Variants in KCTD10 observed in about 807,000 individuals in gnomAD.
KCTD10 encodes the protein potassium channel tetramerization domain containing 10, also known as BTB/POZ domain-containing adapter for CUL3-mediated RhoA degradation protein 3.
Under a neutral mutation model 34.6 loss-of-function variants are expected in KCTD10, and 13 were observed. The observed-to-expected ratio is 0.38, with a 90% CI of 0.24 to 0.60. The LOEUF (loss-of-function observed/expected upper bound fraction) is 0.60. Among genes scored for constraint, KCTD10 ranks in the 20% least tolerant of loss-of-function variants. KCTD10 has a pLI of 0.66. For missense variants in KCTD10, 256 were observed against 420.3 expected, an observed-to-expected ratio of 0.61 and a Z score of 3.42; for synonymous variants, 156 against 168.8, an observed-to-expected ratio of 0.92 and a Z score of 0.59.
At chr12:109,462,814 A>G (rs1320673275) in intron 2 of KCTD10, among the ~76,000 whole-genome samples, 1 of 152,184 alleles carries the variant, frequency 6.6e-6, no homozygotes, top group Non-Finnish European at 1.5e-5. Flanking sequence ...AAAACAAAAC[A>G]AAACTGTCAT....
intron 1 of KCTD10, among the ~76,000 whole-genome samples, chr12:109,473,108 C>G (rs183897431): frequency 7.9e-4 from 120 of 152,302 alleles, no homozygotes; most frequent in Non-Finnish European, 1.3e-3. Flanking sequence ...ACAGCCCCAT[C>G]AGGGTCAGTC....
At position 109,467,059 on chromosome 12, in the gene KCTD10, C is replaced by T. The variant is rs570930285; in HGVS notation, c.217+2456G>A. Among the ~76,000 whole-genome samples the T allele has an allele frequency of 2.4e-4, 37 of 152,352 alleles. 1 individual carries two copies. In the South Asian group the frequency reaches 6.4e-3, roughly 26 times the overall value. ...CCCAGCCTACCAGCCCAGGCCTTCA[C>T]GAGGGCCCCCACCAGAGGGCTTTAG... On this transcript the variant is annotated intron_variant, in intron 2 of 6. Transcript: ENST00000228495.
chr12:109,453,235 G>A (rs1388711373), intron 6 of KCTD10, among the ~76,000 whole-genome samples: 1 of 152,108 alleles, frequency 6.6e-6, no homozygotes, highest in Non-Finnish European at 1.5e-5. Context: ...CTAACTTTTT[G>A]TAGAGATGAG....
chr12:109,467,658 C>G (rs147483508), intron 2 of KCTD10, among the ~76,000 whole-genome samples: 44 of 152,102 alleles, frequency 2.9e-4, no homozygotes, highest in African/African-American at 1.1e-3. Flanking sequence ...AAATGCCATA[C>G]CATTAGCTTT....
chr12:109,465,939 T>C (rs1873563757), intron 2 of KCTD10, among the ~76,000 whole-genome samples: 1 of 152,190 alleles, frequency 6.6e-6, no homozygotes, highest in African/African-American at 2.4e-5. Context: ...GGGGGAAGTA[T>C]TGTACGAAGC....
chr12:109,465,115 G>A lies in KCTD10; in HGVS notation c.218-4310C>T, dbSNP rs531748920. The stretch of plus-strand genomic sequence containing the variant: ...ATCGCACAGAGAAACTCCCACGCAC[G>A]GGGAAAGCGTTCAAGGATGTTCACA... On this transcript the variant is annotated intron_variant, in intron 2 of 6. Transcript: ENST00000228495. Among the ~76,000 whole-genome samples the A allele has an allele frequency of 1.6e-4, 24 of 152,272 alleles. No homozygotes were observed. In the South Asian group the frequency reaches 2.3e-3, roughly 14 times the overall value.
chr12:109,460,367 T>G lies in KCTD10; in HGVS notation c.387+269A>C. On this transcript the variant is annotated intron_variant, in intron 3 of 6. Coordinates refer to ENST00000228495, the MANE Select transcript of KCTD10 (RefSeq NM_031954.5). The surrounding 1 kb of genome is among the most constrained non-coding windows in gnomAD (Gnocchi z 4.5). ...ACCGACCAAGTTTCACACCGCGGGG[T>G]TCTCTGCTGAAGGGTTGAGATGTAC... 4.8e-6 allele frequency: 2 copies of G among 412,836 alleles called. No homozygotes were observed. The highest frequency in any genetic ancestry group is 8.8e-6 in the Non-Finnish European group (2 of 226,480). The allele number at this position is 412,836 out of a possible 1,614,324, so 25.6% of individuals were successfully genotyped here. A position where few individuals can be genotyped will look rare whatever the true frequency, so the allele number is the denominator to read the frequency against.
intron 1 of KCTD10, among the ~76,000 whole-genome samples, chr12:109,476,597 G>A (rs916410700): frequency 1.1e-4 from 17 of 152,118 alleles, no homozygotes; most frequent in African/African-American, 4.1e-4. Context: ...GCCAGCTGAG[G>A]CACTGAACTC....
At chr12:109,465,178 AT>A (rs1873533346) in intron 2 of KCTD10, among the ~76,000 whole-genome samples, 1 of 146,808 alleles carries the variant, frequency 6.8e-6, no homozygotes, top group African/African-American at 2.5e-5. Flanking sequence ...CTACATGATC[AT>A]CAACAGAATA....
rs539369431 is a variant in KCTD10 at position 109,468,051 on chromosome 12, CG to C, written c.217+1463del. Among the ~76,000 whole-genome samples the C allele has an allele frequency of 4.5e-4, 68 of 152,284 alleles. No homozygotes were observed. The South Asian group carries it at 7.9e-3, about 18-fold the overall frequency. On this transcript the variant is annotated intron_variant, in intron 2 of 6. Transcript: ENST00000228495. ...AGATAATGCCTGCTTCCTCCAGCAG[CG>C]GGGGTGCTATTGTCTTGATTTCCAC...
At chr12:109,463,966 G>A (rs1400265072) in intron 2 of KCTD10, among the ~76,000 whole-genome samples, 1 of 152,200 alleles carries the variant, frequency 6.6e-6, no homozygotes, top group Admixed American at 6.5e-5. Flanking sequence ...GATGGAGTTG[G>A]TGTTGCTTTC....
intron 6 of KCTD10, among the ~76,000 whole-genome samples, chr12:109,454,309 C>G (rs997821501): frequency 6.6e-6 from 1 of 152,216 alleles, no homozygotes; most frequent in African/African-American, 2.4e-5. Flanking sequence ...CATAGGGAGT[C>G]TCAGCAAGGA....
intron 2 of KCTD10, among the ~76,000 whole-genome samples, chr12:109,465,927 T>C (rs1329815756): frequency 1.3e-5 from 2 of 152,020 alleles, no homozygotes; most frequent in African/African-American, 2.4e-5. Context: ...AAACCTACAA[T>C]AGGGGGAAGT....
Position 109,475,103 on chromosome 12 carries a change from T to C in KCTD10, c.3+2157A>G, listed in dbSNP as rs1207872911. On this transcript the variant is annotated intron_variant, in intron 1 of 6. Coordinates refer to ENST00000228495, the MANE Select transcript of KCTD10 (RefSeq NM_031954.5). ...ATTTGGCACCTAGTCCTTTGTGTAG[T>C]TTCCTTTGGGCGTCTCAAACATTGG... Among the ~76,000 whole-genome samples the C allele has an allele frequency of 2.6e-5, 4 of 152,210 alleles. No homozygotes were observed. The East Asian group carries it at 7.7e-4, about 29-fold the overall frequency.
intron 6 of KCTD10, among the ~76,000 whole-genome samples, chr12:109,453,622 G>A (rs1872883200): frequency 6.6e-6 from 1 of 152,192 alleles, no homozygotes; most frequent in African/African-American, 2.4e-5. Flanking sequence ...GCAGGATTGG[G>A]AGAATCTGGT....
rs1372936333 is a variant in KCTD10, at chr12:109,450,717, G to A, written c.*878C>T. The A allele has an allele frequency of 4.9e-6, 1 of 202,844 alleles. No individual in the cohort carries two copies. The highest frequency in any genetic ancestry group is 2.3e-5 in the African/African-American group (1 of 43,356). The allele number at this position is 202,844 out of a possible 1,614,324, so 12.6% of individuals were successfully genotyped here. On this transcript the variant is annotated 3_prime_UTR_variant, in exon 7 of 7. Transcript: ENST00000228495. Reference sequence around the variant, plus strand: ...GGGATCCCAGGGAGGGGTAGTTTATGAGCTATGCCTGTCACAGGGTCAGAT... The same window carrying A: ...GGGATCCCAGGGAGGGGTAGTTTATAAGCTATGCCTGTCACAGGGTCAGAT...
At chr12:109,471,344 C>T (rs774057435) in intron 1 of KCTD10, 1 of 985,444 alleles carries the variant, frequency 1.0e-6, no homozygotes, top group Non-Finnish European at 1.2e-6. Context: ...TGGCACCCAA[C>T]AGTGGCCTGG....
At chr12:109,469,929 G>C in intron 1 of KCTD10, 1 of 1,261,098 alleles carries the variant, frequency 7.9e-7, no homozygotes, top group Non-Finnish European at 1.1e-6. Context: ...GAGGCCAACT[G>C]GGCTAGCAGG....
chr12:109,456,546 C>A, intron 5 of KCTD10: 1 of 544,110 alleles, frequency 1.8e-6, no homozygotes, highest in South Asian at 2.0e-5. Context: ...AGACACGCCC[C>A]CCAAAAGACA....
Sources: gnomAD v4.1 joint callset for allele counts (sites outside exome capture counted in the v4.1 genomes callset) on GRCh38, gnomAD v4.1.1 for gene constraint, Gnocchi (gnomAD v3.1) non-coding constraint, MANE v1.5 for transcripts, NCBI Gene and HGNC (gene_info 2026-07-23, HGNC 2026-07-21) for gene names.